The following PLD5 variants were observed in gnomAD, a reference collection of about 807,000 sequenced individuals.
PLD5 encodes phospholipase D family member 5, also known as inactive phospholipase D5.
A neutral mutation model predicts 61.1 loss-of-function variants in PLD5; 36 were observed. The ratio of observed to expected loss-of-function variants is 0.59; its 90% confidence interval spans 0.45 to 0.78. PLD5 has a LOEUF of 0.78. PLD5 is among the 30% of genes least tolerant of loss of function. PLD5 has a pLI of 0.00. For synonymous variants in PLD5, 243 were observed against 242.8 expected, an observed-to-expected ratio of 1.00 and a Z score of -0.01; for missense variants, 515 against 644.4, an observed-to-expected ratio of 0.80 and a Z score of 2.17.
chr1:242,390,962 G>A (rs1662891271), intron 1 of PLD5, among the ~76,000 whole-genome samples: 1 of 152,156 alleles, frequency 6.6e-6, no homozygotes, highest in Admixed American at 6.5e-5. Context: ...GGAGGCTGAG[G>A]CAGGCGGATC....
intron 5 of PLD5, among the ~76,000 whole-genome samples, chr1:242,169,836 GC>G (rs1291162637): frequency 6.6e-6 from 1 of 152,180 alleles, no homozygotes; most frequent in African/African-American, 2.4e-5. Flanking sequence ...ACTGGGTGGA[GC>G]CCACCGCAGC....
chr1:242,331,289 C>A (rs12032330), intron 2 of PLD5, among the ~76,000 whole-genome samples: 12,565 of 152,152 alleles, frequency 0.083, 660 homozygotes, highest in East Asian at 0.24. Flanking sequence ...CAAATGGGCA[C>A]CCCTGGACAG....
chr1:242,248,241 ATGT>A (rs1313700621), intron 4 of PLD5, among the ~76,000 whole-genome samples: 1 of 152,250 alleles, frequency 6.6e-6, no homozygotes, highest in Non-Finnish European at 1.5e-5. Context: ...GACAGCAATC[ATGT>A]TGTAACTCCC....
At position 242,427,755 on chromosome 1, in the gene PLD5, G is replaced by C. The variant is rs112415074; in HGVS notation, c.190-79513C>G. 7.0e-3 allele frequency among the ~76,000 whole-genome samples: 1,069 copies of C among 152,310 alleles called. 13 individuals are homozygous for C. The highest frequency in any genetic ancestry group is 0.022 in the African/African-American group (904 of 41,570). On this transcript the variant is annotated intron_variant, in intron 1 of 9. Coordinates refer to ENST00000536534, the MANE Select transcript of PLD5 (RefSeq NM_001372062.1). ...CCTACTGGCACCAACAGACAGCAGAGAGCCTTTGAAAGATGACTTTAACTG... is the reference window on the plus strand; with the variant it reads ...CCTACTGGCACCAACAGACAGCAGACAGCCTTTGAAAGATGACTTTAACTG...
At chr1:242,321,119 C>A (rs1487535360) in intron 2 of PLD5, among the ~76,000 whole-genome samples, 1 of 152,076 alleles carries the variant, frequency 6.6e-6, no homozygotes, top group South Asian at 2.1e-4. Context: ...AGAGACCCAG[C>A]AAACAGAAGT....
At chr1:242,449,510 C>A in intron 1 of PLD5, 1 of 1,506,194 alleles carries the variant, frequency 6.6e-7, no homozygotes, top group Non-Finnish European at 8.8e-7. Context: ...CCCTCAATTG[C>A]TGGCCTCAAT....
At chr1:242,124,301 G>C (rs949938864) in intron 6 of PLD5, 167 bp downstream of exon 6, 6 of 584,458 alleles carry the variant, frequency 1.0e-5, no homozygotes, top group African/African-American at 1.9e-5. Flanking sequence ...TTATATTTGA[G>C]GGTATGATTG....
At chr1:242,353,860 A>AT (rs201787753) in intron 1 of PLD5, among the ~76,000 whole-genome samples, 1 of 151,730 alleles carries the variant, frequency 6.6e-6, no homozygotes, top group Non-Finnish European at 1.5e-5. Flanking sequence ...TTCCTATTTT[A>AT]TTTTTTATAA....
intron 5 of PLD5, among the ~76,000 whole-genome samples, chr1:242,144,157 C>A (rs138654767): frequency 4.3e-4 from 53 of 123,060 alleles, no homozygotes; most frequent in African/African-American, 1.5e-3. Flanking sequence ...GTATGAGCCA[C>A]CACACCCAGC....
At chr1:242,434,216 G>T (rs564200811) in intron 1 of PLD5, among the ~76,000 whole-genome samples, 1 of 152,358 alleles carries the variant, frequency 6.6e-6, no homozygotes, top group East Asian at 1.9e-4. Context: ...TAGAAATGGT[G>T]GATGGCGGTC....
At chr1:242,325,222 T>C (rs745856190) in intron 2 of PLD5, among the ~76,000 whole-genome samples, 46 of 151,862 alleles carry the variant, frequency 3.0e-4, no homozygotes, top group Admixed American at 2.8e-3. Context: ...GCACGAACTC[T>C]AATTTATTAT....
upstream of PLD5, among the ~76,000 whole-genome samples, chr1:242,524,943 C>T (rs547971722): frequency 6.6e-6 from 1 of 151,988 alleles, no homozygotes; most frequent in Admixed American, 6.5e-5. Context: ...AAGTGAGCGC[C>T]GTCTCCGCGC....
At chr1:242,097,922 T>G (rs2148661972) in intron 9 of PLD5, among the ~76,000 whole-genome samples, 1 of 152,336 alleles carries the variant, frequency 6.6e-6, no homozygotes, top group Non-Finnish European at 1.5e-5. Context: ...TTGATTTTTG[T>G]ATAAGGTGTA....
chr1:242,428,468 C>T (rs949013319), intron 1 of PLD5, among the ~76,000 whole-genome samples: 1 of 152,210 alleles, frequency 6.6e-6, no homozygotes, highest in Non-Finnish European at 1.5e-5. Flanking sequence ...GGGATGGGAG[C>T]TTCAGCCCTG....
intron 1 of PLD5, among the ~76,000 whole-genome samples, chr1:242,497,230 C>T (rs1219722460): frequency 1.3e-5 from 2 of 152,204 alleles, no homozygotes; most frequent in Admixed American, 6.5e-5. Context: ...AAACCCAGAC[C>T]TACTAATACC....
intron 2 of PLD5, among the ~76,000 whole-genome samples, chr1:242,347,632 GT>G (rs927073365): frequency 1.3e-5 from 2 of 152,178 alleles, no homozygotes; most frequent in African/African-American, 2.4e-5. Flanking sequence ...AACAAACTGT[GT>G]GCTAAACTGG....
At position 242,349,680 on chromosome 1, in the gene PLD5, A is replaced by G. The variant is rs144435132; in HGVS notation, c.190-1438T>C. 1.1e-4 allele frequency among the ~76,000 whole-genome samples: 17 copies of G among 152,274 alleles called. 1 individual carries two copies. In the East Asian group the frequency reaches 3.3e-3, roughly 29 times the overall value. ...TCTCTCTCTCTAGGGGCTCATGGCT[A>G]AAAGTGGCAGAAGACAGGGCCATGA... On this transcript the variant is annotated intron_variant, in intron 1 of 9. Transcript: ENST00000536534.
chr1:242,517,187 T>G (rs144607204), intron 1 of PLD5, among the ~76,000 whole-genome samples: 22 of 152,332 alleles, frequency 1.4e-4, no homozygotes, highest in African/African-American at 5.3e-4. Flanking sequence ...ATATTTTCAT[T>G]TCTTTTTCTT....
At position 242,089,903 on chromosome 1, in the gene PLD5, T is replaced by C. The variant is rs747145244; in HGVS notation, c.1562A>G (p.Asn521Ser). 3 of 1,614,210 alleles carry C rather than the reference T, an allele frequency of 1.9e-6. No homozygotes were observed. Among genetic ancestry groups the C allele is most frequent in the Admixed American group, 3.3e-5 (2 of 60,018 alleles). Residue 521 changes from asparagine (N) to serine (S), a missense_variant, in exon 10 of 10, where the codon AAC (asparagine) becomes AGC (serine). Around this residue, in one of 2 missense-constraint regions of PLD5, gnomAD observed 450 missense variants for 598.1 expected, o/e 0.75. Coordinates refer to ENST00000536534, the MANE Select transcript of PLD5 (RefSeq NM_001372062.1). ...SSLFKLKPLS[N>S]KTATDDTGGK... ...GCCTGTGTCGTCTGTGGCAGTTTTG[T>C]TGGAGAGGGGTTTGAGTTTGAACAG...
Sources: gnomAD v4.1 joint callset for allele counts (sites outside exome capture counted in the v4.1 genomes callset) on GRCh38, gnomAD v4.1.1 for gene constraint, gnomAD v4.1.1 regional missense constraint, MANE v1.5 for transcripts, NCBI Gene and HGNC (gene_info 2026-07-23, HGNC 2026-07-21) for gene names.